The following BCL2L2 variants were observed in gnomAD, a reference collection of about 807,000 sequenced individuals.
BCL2L2 encodes bcl-2-like protein 2.
In BCL2L2, 6 loss-of-function variants were observed where a neutral mutation model predicts 14.6. The observed-to-expected ratio is 0.41, with a 90% confidence interval of 0.22 to 0.81. The LOEUF (loss-of-function observed/expected upper bound fraction) is 0.81. BCL2L2 is among the 30% of genes least tolerant of loss of function. The probability of loss-of-function intolerance (pLI) is 0.32; values close to 1 mark genes in which losing one functional copy is unlikely to be tolerated. For missense variants in BCL2L2, 191 were observed against 260.5 expected (o/e 0.73, Z 1.84); for synonymous variants, 90 against 108.5 (o/e 0.83, Z 1.06).
At position 23,308,344 on chromosome 14, in the gene BCL2L2, T is replaced by C. The variant is rs1032270762; in HGVS notation, c.432+145T>C. The C allele has an allele frequency of 4.9e-6, 6 of 1,231,378 alleles. No homozygotes were observed. The highest frequency in any genetic ancestry group is 5.5e-6 in the Non-Finnish European group (5 of 914,324). The allele number at this position is 1,231,378 out of a possible 1,614,324, so 76.3% of individuals were successfully genotyped here. On this transcript the variant is annotated intron_variant, in intron 3 of 3. Coordinates refer to ENST00000250405, the MANE Select transcript of BCL2L2 (RefSeq NM_004050.5). This position sits in a 1 kb window ranked among gnomAD's most constrained non-coding sequence, Gnocchi z 5.4. ...GTCTCCCCGTCTGGATGGAATTAGA[T>C]TGAGAGATGCCTGGACTCTGCACTC...
chr14:23,307,634 C>G, intron 2 of BCL2L2, 126 bp from the exon 3 acceptor site: 1 of 1,301,776 alleles, frequency 7.7e-7, no homozygotes, highest in South Asian at 1.7e-5. Flanking sequence ...CTTGCCTCTC[C>G]CTGTCCAGTG....
chr14:23,307,616 C>G, intron 2 of BCL2L2, 144 bp from the exon 3 acceptor site: 1 of 1,073,322 alleles, frequency 9.3e-7, no homozygotes, highest in Non-Finnish European at 1.3e-6. Context: ...TGACTTAATT[C>G]CCTTGTTCTT....
In BCL2L2 at chr14:23,311,580, CA is replaced by C; in HGVS notation, c.*2616del. On this transcript the variant is annotated 3_prime_UTR_variant, in exon 4 of 4. Coordinates refer to ENST00000250405, the MANE Select transcript of BCL2L2 (RefSeq NM_004050.5). The stretch of plus-strand genomic sequence containing the variant: ...TTACTTTTTTAAAATCATAAAACGG[CA>C]GAACAGATTTGGTTAGTTTAGAAGA... 2.0e-6 allele frequency: 2 copies of C among 985,014 alleles called. No individual in the cohort carries two copies. The highest frequency in any genetic ancestry group is 1.1e-4 in the East Asian group (1 of 8,816). 61.0% of individuals were successfully genotyped at this position (985,014 alleles called of 1,614,324 possible).
rs761546942 is a variant in BCL2L2, at chr14:23,307,849, G to A, written c.82G>A (p.Val28Ile). The A allele has an allele frequency of 1.2e-6, 2 of 1,608,862 alleles. No homozygotes were observed. The highest frequency in any genetic ancestry group is 1.1e-5 in the South Asian group (1 of 90,416). ...TTATAAGCTGAGGCAGAAGGGTTAT[G>A]TCTGTGGAGCTGGCCCCGGGGAGGG... ...VGYKLRQKGY[V>I]CGAGPGEGPA... The change falls in exon 3 of 4, where the codon GTC (valine) becomes ATC (isoleucine). Residue 28 changes from valine to isoleucine, a missense_variant. Val to Ile is a conservative substitution (Grantham distance 29, BLOSUM62 3). Transcript: ENST00000250405.
rs890548268 is a variant in BCL2L2 at position 23,309,152 on chromosome 14, G to C, written c.*187G>C. The C allele has an allele frequency of 1.5e-5, 19 of 1,233,478 alleles. No individual in the cohort carries two copies. Among genetic ancestry groups the C allele is most frequent in the Non-Finnish European group, 1.9e-5 (19 of 984,428 alleles). The allele number at this position is 1,233,478 out of a possible 1,614,324, so 76.4% of individuals were successfully genotyped here. A position where few individuals can be genotyped will look rare whatever the true frequency, so the allele number is the denominator to read the frequency against. On this transcript the variant is annotated 3_prime_UTR_variant, in exon 4 of 4. Transcript: ENST00000250405. Reference sequence around the variant, plus strand: ...CGATTGGAAGAGTGAGCAGGACACAGAGGGGAGGGGAATGTTTTGGCAAGT... The same window carrying C: ...CGATTGGAAGAGTGAGCAGGACACACAGGGGAGGGGAATGTTTTGGCAAGT...
Position 23,310,037 on chromosome 14 carries a change from C to T in BCL2L2, c.*1072C>T. 5.1e-6 allele frequency: 5 copies of T among 985,550 alleles called. No individual in the cohort carries two copies. The highest frequency in any genetic ancestry group is 6.0e-6 in the Non-Finnish European group (5 of 830,084). The allele number at this position is 985,550 out of a possible 1,614,324, so 61.1% of individuals were successfully genotyped here. A position where few individuals can be genotyped will look rare whatever the true frequency, so the allele number is the denominator to read the frequency against. On this transcript the variant is annotated 3_prime_UTR_variant, in exon 4 of 4. Transcript: ENST00000250405. ...AGATGACCATTTCAGATCTGAATCCCATGGGTGTGAGGGTGATGGGTACTC... is the reference window on the plus strand; with the variant it reads ...AGATGACCATTTCAGATCTGAATCCTATGGGTGTGAGGGTGATGGGTACTC...
chr14:23,310,144 G>A lies in BCL2L2; in HGVS notation c.*1179G>A, dbSNP rs1887519463. 2.0e-6 allele frequency: 2 copies of A among 985,506 alleles called. No individual in the cohort carries two copies. Among genetic ancestry groups the A allele is most frequent in the Non-Finnish European group, 2.4e-6 (2 of 830,004 alleles). The allele number at this position is 985,506 out of a possible 1,614,324, so 61.0% of individuals were successfully genotyped here. A position where few individuals can be genotyped will look rare whatever the true frequency, so the allele number is the denominator to read the frequency against. ...ATATGGGTTCTAGAGTACCTACCATGACCTAGAAGCATTTATGATTTATTT... is the reference window on the plus strand; with the variant it reads ...ATATGGGTTCTAGAGTACCTACCATAACCTAGAAGCATTTATGATTTATTT... On this transcript the variant is annotated 3_prime_UTR_variant, in exon 4 of 4. Transcript: ENST00000250405.
At position 23,307,819 on chromosome 14, in the gene BCL2L2, G is replaced by T; in HGVS notation, c.52G>T (p.Val18Leu). The T allele has an allele frequency of 6.4e-7, 1 of 1,562,552 alleles. No individual in the cohort carries two copies. The highest frequency in any genetic ancestry group is 1.2e-5 in the South Asian group (1 of 83,490). Residue 18 changes from valine to leucine, a missense_variant, in exon 3 of 4, where the codon GTA becomes TTA. Val to Leu is a conservative substitution (Grantham distance 32). Coordinates refer to ENST00000250405, the MANE Select transcript of BCL2L2 (RefSeq NM_004050.5). ...CACACGGGCTCTGGTGGCAGACTTT[G>T]TAGGTTATAAGCTGAGGCAGAAGGG... ...PDTRALVADFVGYKLRQKGYV... is the reference protein window; with the variant it reads ...PDTRALVADFLGYKLRQKGYV...
intron 2 of BCL2L2, 51 bp from the exon 3 acceptor site, chr14:23,307,709 T>C: frequency 6.6e-7 from 1 of 1,510,734 alleles, no homozygotes. Flanking sequence ...GTGCTCCTTC[T>C]GATTCTCTCT....
Position 23,309,001 on chromosome 14 carries a change from G to A in BCL2L2, c.*36G>A. ...CCAGGTGGGGCTAGGTGTGGCTGGG[G>A]GCCAGGAGAGCAGGAACAGAACAGA... On this transcript the variant is annotated 3_prime_UTR_variant, in exon 4 of 4. Coordinates refer to ENST00000250405, the MANE Select transcript of BCL2L2 (RefSeq NM_004050.5). 1 of 1,319,992 alleles carries A rather than the reference G, an allele frequency of 7.6e-7. No individual in the cohort carries two copies. The highest frequency in any genetic ancestry group is 9.7e-7 in the Non-Finnish European group (1 of 1,026,056). The allele number at this position is 1,319,992 out of a possible 1,614,324, so 81.8% of individuals were successfully genotyped here.
Position 23,310,341 on chromosome 14 carries a change from C to G in BCL2L2, c.*1376C>G. On this transcript the variant is annotated 3_prime_UTR_variant, in exon 4 of 4. Transcript: ENST00000250405. ...AGCCAGACCTCACTGCTGCACTTTC[C>G]AAGGTGCTAAGATTGCTGCTCTCCA... is the stretch of plus-strand genomic sequence containing the variant. The G allele has an allele frequency of 2.0e-6, 2 of 987,624 alleles. No homozygotes were observed. Among genetic ancestry groups the G allele is most frequent in the Non-Finnish European group, 2.4e-6 (2 of 831,196 alleles). 61.2% of individuals were successfully genotyped at this position (987,624 alleles called of 1,614,324 possible). A position where few individuals can be genotyped will look rare whatever the true frequency, so the allele number is the denominator to read the frequency against.
In BCL2L2 at chr14:23,309,739, A is replaced by T. The variant is rs541033918; in HGVS notation, c.*774A>T. ...CATCCCCCTTCCTTGTGCATTATGCACTTGCTGCTGCCTCCTGGGCTCTGA... is the reference window on the plus strand; with the variant it reads ...CATCCCCCTTCCTTGTGCATTATGCTCTTGCTGCTGCCTCCTGGGCTCTGA... On this transcript the variant is annotated 3_prime_UTR_variant, in exon 4 of 4. Transcript: ENST00000250405. 1.6e-5 allele frequency: 16 copies of T among 985,528 alleles called. No individual in the cohort carries two copies. In the African/African-American group the frequency reaches 2.6e-4, roughly 16 times the overall value. 61.0% of individuals were successfully genotyped at this position (985,528 alleles called of 1,614,324 possible). A position where few individuals can be genotyped will look rare whatever the true frequency, so the allele number is the denominator to read the frequency against.
chr14:23,309,166 G>T lies in BCL2L2; in HGVS notation c.*201G>T. 1 of 1,028,604 alleles carries T rather than the reference G, an allele frequency of 9.7e-7. No individual in the cohort carries two copies. Among genetic ancestry groups the T allele is most frequent in the East Asian group, 7.5e-5 (1 of 13,250 alleles). 63.7% of individuals were successfully genotyped at this position (1,028,604 alleles called of 1,614,324 possible). A position where few individuals can be genotyped will look rare whatever the true frequency, so the allele number is the denominator to read the frequency against. ...AGCAGGACACAGAGGGGAGGGGAAT[G>T]TTTTGGCAAGTTTAGGGGCACAGGA... On this transcript the variant is annotated 3_prime_UTR_variant, in exon 4 of 4. Transcript: ENST00000250405.
chr14:23,308,939 G>C lies in BCL2L2; in HGVS notation c.556G>C (p.Val186Leu), dbSNP rs1234072618. ...CGTGGCACTGGGGGCCCTGGTAACTGTAGGGGCCTTTTTTGCTAGCAAGTG... is the reference window on the plus strand; with the variant it reads ...CGTGGCACTGGGGGCCCTGGTAACTCTAGGGGCCTTTTTTGCTAGCAAGTG... ...GAVALGALVT[V>L]GAFFASK is the part of the protein sequence containing the mutation. The change falls in exon 4 of 4, where the codon GTA (valine) becomes CTA (leucine). Residue 186 changes from valine (V) to leucine (L), a missense_variant. Coordinates refer to ENST00000250405, the MANE Select transcript of BCL2L2 (RefSeq NM_004050.5). This position sits in a 1 kb window ranked among gnomAD's most constrained non-coding sequence, Gnocchi z 5.4. 2.3e-6 allele frequency: 3 copies of C among 1,324,508 alleles called. No individual in the cohort carries two copies. The highest frequency in any genetic ancestry group is 2.9e-6 in the Non-Finnish European group (3 of 1,028,740). 82.0% of individuals were successfully genotyped at this position (1,324,508 alleles called of 1,614,324 possible).
At position 23,310,999 on chromosome 14, in the gene BCL2L2, C is replaced by T; in HGVS notation, c.*2034C>T. ...TATGGAGCACACTCTTCACCCTACC[C>T]TCTACCACAGGACACATATCCCTGT... On this transcript the variant is annotated 3_prime_UTR_variant, in exon 4 of 4. Transcript: ENST00000250405. 2.3e-6 allele frequency: 3 copies of T among 1,289,634 alleles called. No individual in the cohort carries two copies. Among genetic ancestry groups the T allele is most frequent in the Non-Finnish European group, 3.0e-6 (3 of 988,694 alleles). 79.9% of individuals were successfully genotyped at this position (1,289,634 alleles called of 1,614,324 possible).
chr14:23,308,311 G>C lies in BCL2L2; in HGVS notation c.432+112G>C. 1 of 1,394,028 alleles carries C rather than the reference G, an allele frequency of 7.2e-7. No homozygotes were observed. 86.4% of individuals were successfully genotyped at this position (1,394,028 alleles called of 1,614,324 possible). On this transcript the variant is annotated intron_variant, in intron 3 of 3. Transcript: ENST00000250405. The surrounding 1 kb of genome is among the most constrained non-coding windows in gnomAD (Gnocchi z 5.4). ...GGCAGCTATGTTGGGAATGAGGTAC[G>C]GGGCTGAGTCTCCCCGTCTGGATGG...
Position 23,310,679 on chromosome 14 carries a change from G to T in BCL2L2, c.*1714G>T. ...CAGCTTGTGGCAAGCAGTTGGGGTG[G>T]GGGGTCTCTGACTTGCTCAGGACAA... On this transcript the variant is annotated 3_prime_UTR_variant, in exon 4 of 4. Transcript: ENST00000250405. 1 of 1,142,490 alleles carries T rather than the reference G, an allele frequency of 8.8e-7. No individual in the cohort carries two copies. The highest frequency in any genetic ancestry group is 1.1e-6 in the Non-Finnish European group (1 of 921,118). The allele number at this position is 1,142,490 out of a possible 1,614,324, so 70.8% of individuals were successfully genotyped here.
chr14:23,311,686 T>C lies in BCL2L2; in HGVS notation c.*2721T>C. On this transcript the variant is annotated 3_prime_UTR_variant, in exon 4 of 4. Coordinates refer to ENST00000250405, the MANE Select transcript of BCL2L2 (RefSeq NM_004050.5). ...ATAAATACCAAGTTCATTTGACTTTTATTTTTGTGTAATATGTAATGATCG... is the reference window on the plus strand; with the variant it reads ...ATAAATACCAAGTTCATTTGACTTTCATTTTTGTGTAATATGTAATGATCG... 1 of 931,082 alleles carries C rather than the reference T, an allele frequency of 1.1e-6. No homozygotes were observed. The highest frequency in any genetic ancestry group is 1.3e-6 in the Non-Finnish European group (1 of 780,608). 57.7% of individuals were successfully genotyped at this position (931,082 alleles called of 1,614,324 possible). A position where few individuals can be genotyped will look rare whatever the true frequency, so the allele number is the denominator to read the frequency against.
rs764512287 is a variant in BCL2L2 at position 23,308,000 on chromosome 14, G to A, written c.233G>A (p.Arg78His). The A allele has an allele frequency of 1.6e-5, 26 of 1,614,042 alleles. No individual in the cohort carries two copies. The highest frequency in any genetic ancestry group is 1.6e-4 in the Middle Eastern group (1 of 6,084). Reference protein sequence around the residue: ...LHVTPGSAQQRFTQVSDELFQ... With the variant: ...LHVTPGSAQQHFTQVSDELFQ... ...GTGACCCCAGGCTCAGCCCAACAAC[G>A]CTTCACCCAGGTCTCCGATGAACTT... Residue 78 changes from arginine (R) to histidine (H), a missense_variant, in exon 3 of 4, where the codon CGC becomes CAC. Transcript: ENST00000250405.
Sources: allele counts gnomAD v4.1 joint callset, GRCh38; gene constraint gnomAD v4.1.1; non-coding constraint Gnocchi (gnomAD v3.1); transcripts MANE v1.5; gene names NCBI Gene and HGNC (gene_info 2026-07-23, HGNC 2026-07-21).